The following MAP7 variants were observed in gnomAD, a reference collection of about 807,000 sequenced individuals.
The protein encoded by MAP7 is ensconsin.
A neutral mutation model predicts 94.8 loss-of-function variants in MAP7; 52 were observed. The ratio of observed to expected loss-of-function variants is 0.55; its 90% CI spans 0.44 to 0.69. The LOEUF is 0.69. Among genes scored for constraint, MAP7 ranks in the 30% least tolerant of loss-of-function variants. The probability of loss-of-function intolerance (pLI) is 0.00; values close to 1 mark genes in which losing one functional copy is unlikely to be tolerated. For missense variants in MAP7, 940 were observed against 964.6 expected (o/e 0.97, Z 0.34); for synonymous variants, 350 against 357.0 (o/e 0.98, Z 0.22).
intron 1 of MAP7, among the ~76,000 whole-genome samples, chr6:136,513,166 G>A (rs1425347067): frequency 1.3e-5 from 2 of 152,132 alleles, no homozygotes; most frequent in African/African-American, 4.8e-5. Context: ...AAGTAAGATA[G>A]CAATGAAATT....
intron 1 of MAP7, among the ~76,000 whole-genome samples, chr6:136,433,548 C>T (rs2128813474): frequency 6.6e-6 from 1 of 152,324 alleles, no homozygotes; most frequent in African/African-American, 2.4e-5. Context: ...TTTCCTGGTA[C>T]ATAGCGTAAC....
intron 1 of MAP7, among the ~76,000 whole-genome samples, chr6:136,443,992 A>G (rs1562406349): frequency 6.6e-6 from 1 of 152,350 alleles, no homozygotes; most frequent in East Asian, 1.9e-4. Context: ...ATTAATACAG[A>G]AAGTCTGCAC....
chr6:136,544,722 C>T (rs1170206859), intron 1 of MAP7, among the ~76,000 whole-genome samples: 1 of 152,210 alleles, frequency 6.6e-6, no homozygotes, highest in Non-Finnish European at 1.5e-5. Context: ...GCCTTTTGAA[C>T]ATTTCCACTT....
chr6:136,440,726 G>C (rs1797596195), intron 1 of MAP7, among the ~76,000 whole-genome samples: 2 of 151,822 alleles, frequency 1.3e-5, no homozygotes, highest in African/African-American at 2.4e-5. Flanking sequence ...TTATGACAGT[G>C]AGCAGAGGAT....
intron 1 of MAP7, among the ~76,000 whole-genome samples, chr6:136,543,382 C>T (rs180808890): frequency 1.3e-5 from 2 of 152,330 alleles, no homozygotes; most frequent in African/African-American, 4.8e-5. Flanking sequence ...GGTGCAGCGG[C>T]TCACGCCTGT....
rs1231731911 is a variant in MAP7, at chr6:136,471,536, T to C, written c.68-49737A>G. ...CTAGAGGACACACTTTTCAAGATGC[T>C]GGAAAAGGAAGTTGCTGGGGGTTTT... is the stretch of plus-strand genomic sequence containing the variant. On this transcript the variant is annotated intron_variant, in intron 1 of 17. Coordinates refer to ENST00000354570, the MANE Select transcript of MAP7 (RefSeq NM_003980.6). 3.3e-5 allele frequency among the ~76,000 whole-genome samples: 5 copies of C among 151,950 alleles called. 1 individual carries two copies. The highest frequency in any genetic ancestry group is 2.0e-4 in the Admixed American group (3 of 15,226).
intron 1 of MAP7, among the ~76,000 whole-genome samples, chr6:136,507,181 G>C (rs1821787912): frequency 2.0e-5 from 3 of 151,990 alleles, no homozygotes; most frequent in African/African-American, 7.2e-5. Context: ...CCAGAAAAGT[G>C]GGGGAAGGCA....
At chr6:136,542,332 AT>A (rs1161290785) in intron 1 of MAP7, among the ~76,000 whole-genome samples, 1 of 152,224 alleles carries the variant, frequency 6.6e-6, no homozygotes, top group Non-Finnish European at 1.5e-5. Flanking sequence ...TACCATTCAC[AT>A]TTAGCTTACA....
At chr6:136,404,363 T>C (rs548239785) in intron 3 of MAP7, among the ~76,000 whole-genome samples, 33 of 150,016 alleles carry the variant, frequency 2.2e-4, no homozygotes, top group African/African-American at 8.1e-4. Flanking sequence ...AAGCTATGAT[T>C]AGAAGGCAAA....
chr6:136,528,586 A>C (rs1828221128), intron 1 of MAP7, among the ~76,000 whole-genome samples: 1 of 152,272 alleles, frequency 6.6e-6, no homozygotes, highest in Non-Finnish European at 1.5e-5. Flanking sequence ...AAATAAGCAT[A>C]CTTGAAACTA....
chr6:136,455,671 G>C (rs1181474021), intron 1 of MAP7, among the ~76,000 whole-genome samples: 4 of 151,996 alleles, frequency 2.6e-5, no homozygotes, highest in Non-Finnish European at 5.9e-5. Flanking sequence ...ACAAATATGT[G>C]GAAATTAAAC....
intron 1 of MAP7, among the ~76,000 whole-genome samples, chr6:136,478,846 G>A (rs908895546): frequency 6.6e-6 from 1 of 151,708 alleles, no homozygotes; most frequent in African/African-American, 2.4e-5. Flanking sequence ...TGGCTTTACT[G>A]CTGAATTTTA....
In MAP7 at chr6:136,428,195, T is replaced by C. The variant is rs114016917; in HGVS notation, c.68-6396A>G. On this transcript the variant is annotated intron_variant, in intron 1 of 17. Transcript: ENST00000354570. ...AAGTTGAGGCAGTTGGATTGAACTG[T>C]CAAGGTCTATACATGAGATTATAAA... is the stretch of plus-strand genomic sequence containing the variant. Among the ~76,000 whole-genome samples, 541 of 152,276 alleles carry C rather than the reference T, an allele frequency of 3.6e-3. 4 individuals carry two copies. The highest frequency in any genetic ancestry group is 0.012 in the African/African-American group (505 of 41,548).
chr6:136,348,750 G>A (rs1788349209), intron 16 of MAP7, among the ~76,000 whole-genome samples: 1 of 152,090 alleles, frequency 6.6e-6, no homozygotes, highest in African/African-American at 2.4e-5. Context: ...TAGGGGCCTG[G>A]GAATGTTACT....
At chr6:136,451,268 T>C (rs1419768665) in intron 1 of MAP7, among the ~76,000 whole-genome samples, 1 of 152,188 alleles carries the variant, frequency 6.6e-6, no homozygotes, top group Admixed American at 6.5e-5. Context: ...TCCTAGACAT[T>C]TATAGGCATC....
chr6:136,526,643 GC>G (rs1827951227), intron 1 of MAP7: 2 of 985,440 alleles, frequency 2.0e-6, no homozygotes, highest in African/African-American at 1.7e-5. Context: ...CTTCCTCTCA[GC>G]GGCAGCGCAG....
chr6:136,393,011 G>A (rs1781220418), intron 3 of MAP7, among the ~76,000 whole-genome samples: 1 of 152,174 alleles, frequency 6.6e-6, no homozygotes, highest in South Asian at 2.1e-4. Context: ...AGATAAATTT[G>A]TAAAATAAGA....
chr6:136,470,221 A>C (rs1274390510), intron 1 of MAP7, among the ~76,000 whole-genome samples: 1 of 151,800 alleles, frequency 6.6e-6, no homozygotes, highest in Non-Finnish European at 1.5e-5. Context: ...TTTGGCTACT[A>C]AGAGAGAAAC....
chr6:136,539,923 A>G (rs529879975), intron 1 of MAP7, among the ~76,000 whole-genome samples: 5 of 152,310 alleles, frequency 3.3e-5, no homozygotes, highest in Non-Finnish European at 1.5e-5. Context: ...AGGCTGTAGT[A>G]AGTCAGGATT....
Sources: gnomAD v4.1 joint callset for allele counts (sites outside exome capture counted in the v4.1 genomes callset) on GRCh38, gnomAD v4.1.1 for gene constraint, MANE v1.5 for transcripts, NCBI Gene and HGNC (gene_info 2026-07-23, HGNC 2026-07-21) for gene names.